WDFY3: variants seen among roughly 807,000 people sequenced by gnomAD.
The protein encoded by WDFY3 is WD repeat and FYVE domain containing 3.
Under a neutral mutation model 409.6 loss-of-function variants are expected in WDFY3, and 66 were observed. That is an observed-to-expected ratio of 0.16 (90% CI 0.13 to 0.20). WDFY3 has a LOEUF of 0.20. Ranked by LOEUF, WDFY3 falls within the 10% of genes least tolerant of loss-of-function variation. The probability of loss-of-function intolerance (pLI) is 1.00; values close to 1 mark genes in which losing one functional copy is unlikely to be tolerated. For missense variants in WDFY3, 3,031 were observed against 4,298.1 expected (o/e 0.71, Z 8.24); for synonymous variants, 1,521 against 1,537.1 (o/e 0.99, Z 0.25).
chr4:84,958,957 G>A (rs1774574576), intron 1 of WDFY3, among the ~76,000 whole-genome samples: 1 of 152,094 alleles, frequency 6.6e-6, no homozygotes, highest in Non-Finnish European at 1.5e-5. Context: ...GCACCCCAAT[G>A]ATTGTATGAT....
At chr4:84,719,426 C>T (rs1350499728) in intron 47 of WDFY3, among the ~76,000 whole-genome samples, 3 of 152,136 alleles carry the variant, frequency 2.0e-5, no homozygotes, top group African/African-American at 7.2e-5. Flanking sequence ...TGAGTCAAGA[C>T]AAAAATCAGC....
chr4:84,812,353 G>A (rs984529209), intron 13 of WDFY3, among the ~76,000 whole-genome samples: 9 of 150,988 alleles, frequency 6.0e-5, no homozygotes, highest in African/African-American at 1.5e-4. Context: ...GCGCATGCAC[G>A]CACACACACA....
At chr4:84,808,222 A>G (rs1431796713) in intron 15 of WDFY3, 112 bp downstream of exon 15, 2 of 939,750 alleles carry the variant, frequency 2.1e-6, no homozygotes, top group African/African-American at 1.7e-5. Context: ...AAACAAAACA[A>G]AACAAAAAAA....
intron 3 of WDFY3, among the ~76,000 whole-genome samples, chr4:84,891,770 G>A (rs1764987874): frequency 6.6e-6 from 1 of 152,078 alleles, no homozygotes; most frequent in African/African-American, 2.4e-5. Context: ...TTTGCTTATG[G>A]AAACTCTACT....
chr4:84,756,517 G>A (rs1159785966), intron 33 of WDFY3, among the ~76,000 whole-genome samples: 1 of 151,256 alleles, frequency 6.6e-6, no homozygotes, highest in Admixed American at 6.6e-5. Context: ...CCCGGGAGGT[G>A]GAATTTTCAA....
chr4:84,806,204 T>C (rs1470195001), intron 15 of WDFY3, among the ~76,000 whole-genome samples: 1 of 152,204 alleles, frequency 6.6e-6, no homozygotes, highest in Non-Finnish European at 1.5e-5. Flanking sequence ...AAATTCTAAT[T>C]TCAAGTCACT....
In WDFY3 at chr4:84,677,358, C is replaced by T. The variant is rs1409167311; in HGVS notation, c.10298G>A (p.Arg3433Gln). 3 of 1,613,784 alleles carry T rather than the reference C, an allele frequency of 1.9e-6. No homozygotes were observed. The highest frequency in any genetic ancestry group is 1.7e-6 in the Non-Finnish European group (2 of 1,179,906). Residue 3433 changes from arginine (R) to glutamine (Q), a missense_variant, in exon 67 of 68, where the codon CGA becomes CAA. Physicochemically the swap from Arg to Gln is conservative, Grantham distance 43. Transcript: ENST00000295888. The part of the protein sequence containing the change: ...SRILVGDSRG[R>Q]VFSWSVSDQP... ...GTCACTCACAGACCAGCTGAAAACT[C>T]GGCCTCGACTGTCACCAACGAGGAT...
chr4:84,841,116 A>T (rs1757291539), intron 6 of WDFY3, 38 bp downstream of exon 6: 1 of 1,488,090 alleles, frequency 6.7e-7, no homozygotes, highest in Non-Finnish European at 9.1e-7. Context: ...TATAAAATAA[A>T]GACGCTGAGT....
At chr4:84,786,172 TC>T in intron 23 of WDFY3, 33 bp from the exon 24 acceptor site, 1 of 1,551,604 alleles carries the variant, frequency 6.4e-7, no homozygotes, top group South Asian at 1.2e-5. Context: ...TTCAAAATCA[TC>T]AGTAGTTCTC....
At chr4:84,965,718 G>C (rs1561183331) in intron 1 of WDFY3, 1 of 152,350 alleles carries the variant, frequency 6.6e-6, no homozygotes, top group South Asian at 2.1e-4. Context: ...AGCGCCCGAG[G>C]GATGGAGGCC....
In WDFY3 at chr4:84,776,981, T is replaced by C. The variant is rs538085869; in HGVS notation, c.4518+1522A>G. Among the ~76,000 whole-genome samples the C allele has an allele frequency of 2.6e-5, 4 of 152,156 alleles. No homozygotes were observed. The South Asian group carries it at 6.2e-4, about 24-fold the overall frequency. On this transcript the variant is annotated intron_variant, in intron 27 of 67. Transcript: ENST00000295888. ...GAATTGATTAGGGCTTGAATTAAGA[T>C]ATAGCAGTAGAAGCAGAAAAGGCAG...
At chr4:84,813,853 T>A (rs897695163) in intron 13 of WDFY3, among the ~76,000 whole-genome samples, 3 of 152,222 alleles carry the variant, frequency 2.0e-5, no homozygotes, top group African/African-American at 7.2e-5. Flanking sequence ...TATAAAATGT[T>A]CTTCAAATAT....
intron 38 of WDFY3, 98 bp downstream of exon 38, chr4:84,741,663 T>C: frequency 4.6e-6 from 6 of 1,297,820 alleles, no homozygotes; most frequent in Non-Finnish European, 6.2e-6. Flanking sequence ...AATGTTAACA[T>C]TCATTATCTT....
Position 84,782,972 on chromosome 4 carries a change from C to T in WDFY3, c.4165G>A (p.Gly1389Arg). 1.2e-6 allele frequency: 2 copies of T among 1,613,134 alleles called. No individual in the cohort carries two copies. The highest frequency in any genetic ancestry group is 1.7e-6 in the Non-Finnish European group (2 of 1,179,814). ...SARTIGAALI[G>R]YLGVRTFVPK... ...AGATAAGTCCACTCACCCAAGTATC[C>T]AATCAGAGCGGCCCCAATTGTCCGT... Residue 1389 changes from glycine (G) to arginine (R), a missense_variant, in exon 25 of 68, where the codon GGA becomes AGA. Transcript: ENST00000295888.
At chr4:84,718,829 C>T (rs1003906637) in intron 47 of WDFY3, among the ~76,000 whole-genome samples, 1 of 152,176 alleles carries the variant, frequency 6.6e-6, no homozygotes, top group African/African-American at 2.4e-5. Context: ...CAAACATGCG[C>T]TAGCTTCTAA....
intron 5 of WDFY3, among the ~76,000 whole-genome samples, chr4:84,845,349 T>A (rs1032148996): frequency 2.0e-5 from 3 of 152,198 alleles, no homozygotes; most frequent in African/African-American, 7.2e-5. Context: ...AATAAAAGGT[T>A]ATATGAGCTA....
intron 7 of WDFY3, 70 bp from the exon 8 acceptor site, chr4:84,831,675 A>C: frequency 7.1e-7 from 1 of 1,415,206 alleles, no homozygotes; most frequent in Non-Finnish European, 9.6e-7. Flanking sequence ...AAAAATGGGC[A>C]AATGAGCTGA....
intron 51 of WDFY3, 99 bp downstream of exon 51, chr4:84,713,060 G>T: frequency 7.5e-7 from 1 of 1,328,024 alleles, no homozygotes; most frequent in Non-Finnish European, 1.1e-6. Flanking sequence ...CAACCACCAG[G>T]GGAAAAACAC....
intron 18 of WDFY3, among the ~76,000 whole-genome samples, 177 bp from the exon 19 acceptor site, chr4:84,796,929 T>C (rs1184057983): frequency 6.6e-6 from 1 of 152,208 alleles, no homozygotes; most frequent in Non-Finnish European, 1.5e-5. Flanking sequence ...AGCATGCGTT[T>C]CCTTTTTTAC....
Sources: allele counts gnomAD v4.1 joint callset (sites outside exome capture counted in the v4.1 genomes callset), GRCh38; gene constraint gnomAD v4.1.1; transcripts MANE v1.5; gene names NCBI Gene and HGNC (gene_info 2026-07-23, HGNC 2026-07-21).